Variants in SEMA3A observed in about 807,000 individuals in gnomAD.
SEMA3A encodes semaphorin 3A.
A neutral mutation model predicts 97.9 loss-of-function variants in SEMA3A; 29 were observed. That is an observed-to-expected ratio of 0.30 (90% CI 0.22 to 0.40). The LOEUF is 0.40. Among genes scored for constraint, SEMA3A ranks in the 10% least tolerant of loss-of-function variants. The pLI is 1.00. For synonymous variants in SEMA3A, 321 were observed against 323.7 expected, an observed-to-expected ratio of 0.99 and a Z score of 0.09; for missense variants, 763 against 951.3, an observed-to-expected ratio of 0.80 and a Z score of 2.60.
chr7:84,086,258 G>A (rs1160949804), intron 4 of SEMA3A, among the ~76,000 whole-genome samples: 1 of 151,494 alleles, frequency 6.6e-6, no homozygotes, highest in African/African-American at 2.4e-5. Flanking sequence ...GAAGATGCTG[G>A]GTCCTGTGCT....
intron 3 of SEMA3A, among the ~76,000 whole-genome samples, chr7:84,255,074 G>A (rs1187943646): frequency 6.6e-6 from 1 of 152,128 alleles, no homozygotes; most frequent in Non-Finnish European, 1.5e-5. Context: ...GTAGAAAGTA[G>A]ATTGTCATCA....
intron 2 of SEMA3A, among the ~76,000 whole-genome samples, chr7:84,326,858 T>C (rs1477371886): frequency 6.6e-6 from 1 of 151,902 alleles, no homozygotes; most frequent in African/African-American, 2.4e-5. Context: ...AATGCAAGAC[T>C]ATAAAAATCC....
intron 2 of SEMA3A, among the ~76,000 whole-genome samples, chr7:84,328,776 C>T (rs564916303): frequency 1.3e-5 from 2 of 152,040 alleles, no homozygotes; most frequent in South Asian, 4.1e-4. Context: ...GAATGAAATG[C>T]AGTCTCAGCA....
chr7:84,170,547 G>A (rs549507750), intron 1 of SEMA3A, among the ~76,000 whole-genome samples: 8 of 151,944 alleles, frequency 5.3e-5, no homozygotes, highest in African/African-American at 1.9e-4. Context: ...GTTTATATGT[G>A]TGCATAAAAC....
chr7:84,227,993 TA>T (rs1446246601), intron 3 of SEMA3A, among the ~76,000 whole-genome samples: 9 of 151,796 alleles, frequency 5.9e-5, no homozygotes, highest in African/African-American at 1.7e-4. Context: ...ATAATGAGAT[TA>T]AAAAAATGAT....
At chr7:84,348,236 T>C (rs1380296926) in intron 2 of SEMA3A, among the ~76,000 whole-genome samples, 2 of 152,156 alleles carry the variant, frequency 1.3e-5, no homozygotes, top group Non-Finnish European at 2.9e-5. Flanking sequence ...TAAATAACAT[T>C]TATAGGATTT....
chr7:84,203,502 G>GTGTATATA (rs1348437430), intron 3 of SEMA3A, among the ~76,000 whole-genome samples: 1 of 57,022 alleles, frequency 1.8e-5, no homozygotes, highest in African/African-American at 7.1e-5. Context: ...TTGTGTGTGT[G>GTGTATATA]TATATATATA....
chr7:84,241,113 A>G (rs1238351038), intron 3 of SEMA3A, among the ~76,000 whole-genome samples: 2 of 152,214 alleles, frequency 1.3e-5, no homozygotes, highest in East Asian at 3.9e-4. Context: ...TCCTTTGGGT[A>G]TATACCCAGT....
intron 3 of SEMA3A, among the ~76,000 whole-genome samples, chr7:84,205,984 T>G (rs757125154): frequency 6.6e-5 from 10 of 152,038 alleles, no homozygotes. Flanking sequence ...AAAACTAGAG[T>G]GCCAGGATGA....
chr7:84,423,887 A>T (rs530551029), intron 1 of SEMA3A, among the ~76,000 whole-genome samples: 66 of 152,128 alleles, frequency 4.3e-4, no homozygotes, highest in South Asian at 1.2e-3. Context: ...AAATATATTT[A>T]AAAAATATTC....
intron 3 of SEMA3A, among the ~76,000 whole-genome samples, chr7:84,277,150 T>A (rs1800320525): frequency 6.6e-6 from 1 of 152,154 alleles, no homozygotes; most frequent in South Asian, 2.1e-4. Context: ...AAGATGATGA[T>A]GAAGTCTTTT....
chr7:84,443,584 C>T (rs550811080), intron 1 of SEMA3A, among the ~76,000 whole-genome samples: 29 of 152,134 alleles, frequency 1.9e-4, no homozygotes, highest in Non-Finnish European at 3.2e-4. Context: ...CCCCTTGAAA[C>T]TCTCACGAAA....
At chr7:84,481,527 C>T (rs1806446000) in intron 1 of SEMA3A, among the ~76,000 whole-genome samples, 1 of 152,114 alleles carries the variant, frequency 6.6e-6, no homozygotes, top group South Asian at 2.1e-4. Flanking sequence ...TTATATATCT[C>T]TGATATTTCC....
At chr7:84,490,605 A>G (rs570750742) in intron 1 of SEMA3A, among the ~76,000 whole-genome samples, 2 of 152,252 alleles carry the variant, frequency 1.3e-5, no homozygotes, top group South Asian at 4.1e-4. Context: ...TCTTTACTAA[A>G]CCAAATATAC....
At chr7:84,162,923 A>G (rs1030774062) in intron 1 of SEMA3A, among the ~76,000 whole-genome samples, 1 of 152,204 alleles carries the variant, frequency 6.6e-6, no homozygotes, top group African/African-American at 2.4e-5. Context: ...AGAAACTTCG[A>G]TAAGTACCTA....
intron 4 of SEMA3A, among the ~76,000 whole-genome samples, chr7:84,068,279 G>A (rs1447586373): frequency 6.8e-6 from 1 of 146,094 alleles, no homozygotes. Context: ...GTTGTGGGGT[G>A]GGGTGAGGGG....
At chr7:84,393,258 G>GC (rs780389623) in intron 1 of SEMA3A, among the ~76,000 whole-genome samples, 3 of 152,004 alleles carry the variant, frequency 2.0e-5, no homozygotes, top group Non-Finnish European at 4.4e-5. Context: ...TCATTCCTTT[G>GC]CATAAGGATA....
chr7:84,376,461 G>A lies in SEMA3A; in HGVS notation c.-245-4561C>T, dbSNP rs1024117001. Among the ~76,000 whole-genome samples the A allele has an allele frequency of 2.8e-4, 40 of 142,454 alleles. 6 individuals are homozygous for A. The highest frequency in any genetic ancestry group is 4.9e-4 in the Non-Finnish European group (32 of 65,408). 93.5% of individuals were successfully genotyped at this position (142,454 alleles called of 152,430 possible). ...ACTAAAAAACACAAAAAAATTAGCC[G>A]GGCGTGGTGGCGGGCGCCTGTAGTC... On this transcript the variant is annotated intron_variant, in intron 1 of 3. Transcript: ENST00000424555.
intron 4 of SEMA3A, among the ~76,000 whole-genome samples, chr7:84,104,720 T>C (rs1289619937): frequency 6.6e-6 from 1 of 152,160 alleles, no homozygotes; most frequent in Non-Finnish European, 1.5e-5. Context: ...TTTTGAGAAA[T>C]AGTCTTACTG....
Sources: gnomAD v4.1 joint callset for allele counts (sites outside exome capture counted in the v4.1 genomes callset) on GRCh38, gnomAD v4.1.1 for gene constraint, MANE v1.5 for transcripts, NCBI Gene and HGNC (gene_info 2026-07-23, HGNC 2026-07-21) for gene names.